The following ZNF454 variants were observed in gnomAD, a reference collection of about 807,000 sequenced individuals.
ZNF454 encodes the protein zinc finger protein 454.
Under a neutral mutation model 48.2 loss-of-function variants are expected in ZNF454, and 30 were observed. The ratio of observed to expected loss-of-function variants is 0.62; its 90% CI spans 0.47 to 0.84. The LOEUF (loss-of-function observed/expected upper bound fraction) is 0.84. Among genes scored for constraint, ZNF454 ranks in the 40% least tolerant of loss-of-function variants. The pLI, the probability that ZNF454 is intolerant of heterozygous loss-of-function variation, is 0.00. For synonymous variants in ZNF454, 204 were observed against 211.4 expected (o/e 0.97, Z 0.30); for missense variants, 510 against 623.1 (o/e 0.82, Z 1.93).
At chr5:178,972,725 T>C in the ZNF454 span, among the ~76,000 whole-genome samples, 1 of 152,040 alleles carries the variant, frequency 6.6e-6, no homozygotes, top group Admixed American at 6.6e-5. Flanking sequence ...ATCCACACTT[T>C]CTGGGCCAGG....
chr5:178,985,284 T>C, the ZNF454 span: 4 of 456,360 alleles, frequency 8.8e-6, no homozygotes. Flanking sequence ...CAGAAAGATC[T>C]CTGGAGGCCC....
chr5:178,972,533 T>A, the ZNF454 span, among the ~76,000 whole-genome samples: 1 of 151,696 alleles, frequency 6.6e-6, no homozygotes, highest in Non-Finnish European at 1.5e-5. Flanking sequence ...CCTAAGGAGG[T>A]GAGGTTCACC....
At chr5:178,971,816 A>C in the ZNF454 span, among the ~76,000 whole-genome samples, 1 of 143,324 alleles carries the variant, frequency 7.0e-6, no homozygotes, top group Non-Finnish European at 1.5e-5. Context: ...AGGTGGCGCC[A>C]CTGCACTCCA....
At chr5:178,981,593 C>T in the ZNF454 span, 1 of 1,306,538 alleles carries the variant, frequency 7.7e-7, no homozygotes, top group Non-Finnish European at 1.1e-6. The surrounding 1 kb of genome is among the most constrained non-coding windows in gnomAD (Gnocchi z 5.1). Flanking sequence ...CTCTATACAG[C>T]TTCCACCTCG....
At chr5:178,989,167 C>T in the ZNF454 span, 13 of 1,606,670 alleles carry the variant, frequency 8.1e-6, no homozygotes, top group Middle Eastern at 1.7e-4. Context: ...AAAGTGTGCC[C>T]GGCCCCCATG....
the ZNF454 span, chr5:178,986,005 A>AC: frequency 2.3e-6 from 2 of 856,258 alleles, no homozygotes; most frequent in Admixed American, 5.3e-5. Context: ...CAGGTGATCC[A>AC]CCCACCTCAG....
In ZNF454 at chr5:178,948,842, T is replaced by C. The variant is rs1759442012; in HGVS notation, c.250+1856T>C. 2.7e-5 allele frequency among the ~76,000 whole-genome samples: 4 copies of C among 148,880 alleles called. No individual in the cohort carries two copies. In the South Asian group the frequency reaches 8.3e-4, roughly 31 times the overall value. ...AAATTATTCTATGAATTTATATAAT[T>C]TATATTTAAAAATAAATAATAAATT... On this transcript the variant is annotated intron_variant, in intron 4 of 4. Coordinates refer to ENST00000519564, the MANE Select transcript of ZNF454 (RefSeq NM_001178089.3).
intron 4 of ZNF454, among the ~76,000 whole-genome samples, chr5:178,958,877 C>G (rs1318166723): frequency 6.6e-6 from 1 of 152,026 alleles, no homozygotes; most frequent in Non-Finnish European, 1.5e-5. Context: ...GTTGTCTGAT[C>G]TTTTGTTATT....
At chr5:178,977,459 T>C in the ZNF454 span, 1 of 455,974 alleles carries the variant, frequency 2.2e-6, no homozygotes, top group Non-Finnish European at 4.4e-6. Context: ...ATGAGAAATG[T>C]CTGTTTTTTA....
At chr5:178,961,234 TC>T (rs943564198) in intron 4 of ZNF454, among the ~76,000 whole-genome samples, 1 of 151,648 alleles carries the variant, frequency 6.6e-6, no homozygotes, top group Non-Finnish European at 1.5e-5. Context: ...TGGCCCACAA[TC>T]TTAGTTTTTA....
chr5:178,966,783 A>G (rs1760169681), downstream of ZNF454, among the ~76,000 whole-genome samples: 1 of 152,002 alleles, frequency 6.6e-6, no homozygotes, highest in African/African-American at 2.4e-5. Flanking sequence ...ACCCACACTT[A>G]TTTAAACCAT....
chr5:178,975,910 C>A, the ZNF454 span, among the ~76,000 whole-genome samples: 338 of 152,318 alleles, frequency 2.2e-3, 1 homozygote, highest in African/African-American at 6.9e-3. Context: ...AACTCTCTCT[C>A]TATATCTTTA....
the ZNF454 span, among the ~76,000 whole-genome samples, chr5:178,973,519 GT>G: frequency 1.3e-5 from 2 of 152,060 alleles, no homozygotes; most frequent in Admixed American, 6.6e-5. Context: ...TTATCCTCCA[GT>G]TTTTAGTGTC....
the ZNF454 span, chr5:178,988,799 C>G: frequency 1.4e-6 from 1 of 691,424 alleles, no homozygotes; most frequent in East Asian, 2.7e-5. The surrounding 1 kb of genome is among the most constrained non-coding windows in gnomAD (Gnocchi z 6.0). Flanking sequence ...ATGTCTTTGG[C>G]ACTCAGCCCC....
chr5:178,945,663 ATGTATGCTTG>A (rs1195955785), intron 2 of ZNF454, among the ~76,000 whole-genome samples: 2 of 89,408 alleles, frequency 2.2e-5, no homozygotes, highest in Non-Finnish European at 4.3e-5. Flanking sequence ...GGGTATGGGT[ATGTATGCTTG>A]TGTGTGTGTG....
the ZNF454 span, chr5:178,982,706 A>C: frequency 1.9e-6 from 1 of 530,348 alleles, no homozygotes; most frequent in Non-Finnish European, 3.3e-6. Flanking sequence ...AAAAAAAAAG[A>C]AAAAAAGAAG....
the ZNF454 span, chr5:178,986,694 C>T: frequency 1.9e-6 from 3 of 1,604,316 alleles, no homozygotes; most frequent in Non-Finnish European, 2.5e-6. Flanking sequence ...GCCCGCAGGG[C>T]AGGCTGCACA....
chr5:178,942,262 C>T (rs1356510647), intron 1 of ZNF454, among the ~76,000 whole-genome samples: 2 of 152,098 alleles, frequency 1.3e-5, no homozygotes, highest in African/African-American at 2.4e-5. Context: ...AAAAATTAGC[C>T]GGGCGTGGTG....
intron 4 of ZNF454, among the ~76,000 whole-genome samples, chr5:178,960,806 G>T (rs1759984870): frequency 6.6e-6 from 1 of 150,950 alleles, no homozygotes; most frequent in Non-Finnish European, 1.5e-5. Context: ...TATTAGTATG[G>T]GTATAGCACC....
Sources: gnomAD v4.1 joint callset for allele counts (sites outside exome capture counted in the v4.1 genomes callset) on GRCh38, gnomAD v4.1.1 for gene constraint, Gnocchi (gnomAD v3.1) non-coding constraint, MANE v1.5 for transcripts, NCBI Gene and HGNC (gene_info 2026-07-23, HGNC 2026-07-21) for gene names.